LRRC3B: variants seen among roughly 807,000 people sequenced by gnomAD.
The protein encoded by LRRC3B is leucine rich repeat containing 3B.
Under a neutral mutation model 12.8 loss-of-function variants are expected in LRRC3B, and 2 were observed. The ratio of observed to expected loss-of-function variants is 0.16; its 90% CI spans 0.06 to 0.49. LRRC3B has a LOEUF of 0.49. Ranked by LOEUF, LRRC3B falls within the 20% of genes least tolerant of loss-of-function variation. LRRC3B has a pLI of 0.96. For synonymous variants in LRRC3B, 132 were observed against 122.0 expected, an observed-to-expected ratio of 1.08 and a Z score of -0.54; for missense variants, 189 against 319.4, an observed-to-expected ratio of 0.59 and a Z score of 3.11.
At chr3:26,624,273 A>T (rs1698571847) in intron 1 of LRRC3B, 1 of 152,202 alleles carries the variant, frequency 6.6e-6, no homozygotes, top group South Asian at 2.1e-4. Context: ...TGGACTAGGG[A>T]TGCTTCTCCA....
At chr3:26,663,190 G>A (rs1181205153) in intron 1 of LRRC3B, among the ~76,000 whole-genome samples, 1 of 152,088 alleles carries the variant, frequency 6.6e-6, no homozygotes, top group East Asian at 1.9e-4. Context: ...TAGCTTGATT[G>A]AGTTCTGTCT....
intron 1 of LRRC3B, among the ~76,000 whole-genome samples, chr3:26,631,556 T>A (rs2125400487): frequency 6.6e-6 from 1 of 152,308 alleles, no homozygotes; most frequent in Admixed American, 6.5e-5. Context: ...AACAGATGGC[T>A]CATGTTATCC....
At chr3:26,666,722 C>T (rs1699612651) in intron 1 of LRRC3B, among the ~76,000 whole-genome samples, 1 of 152,070 alleles carries the variant, frequency 6.6e-6, no homozygotes, top group South Asian at 2.1e-4. Flanking sequence ...AAACTCCAAA[C>T]AATATTTGGA....
At chr3:26,632,344 C>T (rs1211172565) in intron 1 of LRRC3B, among the ~76,000 whole-genome samples, 1 of 152,152 alleles carries the variant, frequency 6.6e-6, no homozygotes, top group African/African-American at 2.4e-5. Context: ...AAGAGGATTA[C>T]ATCCTTAGTA....
chr3:26,685,884 G>A (rs1700077817), intron 1 of LRRC3B, among the ~76,000 whole-genome samples: 1 of 151,936 alleles, frequency 6.6e-6, no homozygotes, highest in African/African-American at 2.4e-5. Flanking sequence ...GCTTAGTCCA[G>A]TCTCTCAGTT....
rs189463288 is a variant in LRRC3B at position 26,668,700 on chromosome 3, A to G, written c.-160-40813A>G. 4.9e-4 allele frequency among the ~76,000 whole-genome samples: 74 copies of G among 152,254 alleles called. No individual in the cohort carries two copies. The East Asian group carries it at 0.013, about 27-fold the overall frequency. ...GTTTATTTTTACTACAAAAGGGATAAATAATTATTGTTAAAAGTTTGGAAA... is the reference window on the plus strand; with the variant it reads ...GTTTATTTTTACTACAAAAGGGATAGATAATTATTGTTAAAAGTTTGGAAA... On this transcript the variant is annotated intron_variant, in intron 1 of 1. Coordinates refer to ENST00000396641, the Ensembl canonical transcript of LRRC3B.
chr3:26,690,946 T>C (rs1409808438), intron 1 of LRRC3B, among the ~76,000 whole-genome samples: 9 of 151,626 alleles, frequency 5.9e-5, no homozygotes, highest in Non-Finnish European at 1.2e-4. Context: ...TTCATTGTTC[T>C]ACAAATATTA....
intron 1 of LRRC3B, among the ~76,000 whole-genome samples, chr3:26,651,096 A>G (rs1380568139): frequency 6.6e-6 from 1 of 152,228 alleles, no homozygotes; most frequent in Non-Finnish European, 1.5e-5. Context: ...TTTTGTATAC[A>G]TGAAATATAT....
intron 1 of LRRC3B, among the ~76,000 whole-genome samples, chr3:26,649,190 A>G (rs571567504): frequency 6.6e-6 from 1 of 152,232 alleles, no homozygotes; most frequent in African/African-American, 2.4e-5. Context: ...CATCTGACTT[A>G]AGGCCAGGCT....
intron 1 of LRRC3B, among the ~76,000 whole-genome samples, chr3:26,640,353 G>A (rs1227549001): frequency 1.3e-5 from 2 of 150,000 alleles, no homozygotes; most frequent in South Asian, 2.1e-4. Context: ...ATGGCACTAG[G>A]AATCTACTTT....
intron 1 of LRRC3B, among the ~76,000 whole-genome samples, chr3:26,699,800 A>G (rs1281496822): frequency 6.6e-6 from 1 of 152,206 alleles, no homozygotes; most frequent in Non-Finnish European, 1.5e-5. Context: ...AAGCAGAAAG[A>G]AACCAAGATG....
intron 1 of LRRC3B, among the ~76,000 whole-genome samples, chr3:26,671,373 T>TATATATATAGAGAG (rs1261897533): frequency 1.1e-4 from 3 of 28,254 alleles, no homozygotes; most frequent in African/African-American, 2.9e-4. Flanking sequence ...TATATATATA[T>TATATATATAGAGAG]AGAGAGAGAG....
intron 1 of LRRC3B, among the ~76,000 whole-genome samples, chr3:26,654,455 T>TG (rs1434225408): frequency 3.9e-5 from 6 of 152,118 alleles, no homozygotes; most frequent in Non-Finnish European, 8.8e-5. Flanking sequence ...TTTTCCCAGG[T>TG]GGTTCTGATA....
At chr3:26,686,416 G>A (rs1446069377) in intron 1 of LRRC3B, among the ~76,000 whole-genome samples, 4 of 152,138 alleles carry the variant, frequency 2.6e-5, no homozygotes, top group Non-Finnish European at 1.5e-5. Flanking sequence ...TGCTCCTTAT[G>A]GTAACTTCAA....
chr3:26,632,460 CAGAA>C (rs1698777083), intron 1 of LRRC3B, among the ~76,000 whole-genome samples: 1 of 151,964 alleles, frequency 6.6e-6, no homozygotes, highest in South Asian at 2.1e-4. Flanking sequence ...TCTAGTTTAT[CAGAA>C]AGAAACCTAT....
At chr3:26,654,404 G>C (rs1699328238) in intron 1 of LRRC3B, among the ~76,000 whole-genome samples, 1 of 152,098 alleles carries the variant, frequency 6.6e-6, no homozygotes, top group African/African-American at 2.4e-5. Context: ...AATTAAACCA[G>C]AATTTCTAAG....
intron 1 of LRRC3B, among the ~76,000 whole-genome samples, chr3:26,663,337 AC>A (rs1203649847): frequency 2.0e-5 from 3 of 152,122 alleles, no homozygotes; most frequent in African/African-American, 7.2e-5. Flanking sequence ...CCCAATACAC[AC>A]ATGCATCTTT....
chr3:26,636,934 C>CTTTCTTT lies in LRRC3B; in HGVS notation c.-161+13698_-161+13704dup, dbSNP rs1468772677. Among the ~76,000 whole-genome samples the CTTTCTTT allele has an allele frequency of 7.7e-5, 8 of 103,724 alleles. 1 individual carries two copies. Among genetic ancestry groups the CTTTCTTT allele is most frequent in the African/African-American group, 3.7e-4 (8 of 21,532 alleles). The allele number at this position is 103,724 out of a possible 152,430, so 68.0% of individuals were successfully genotyped here. ...TCTTTCTCTCTTTCTTTCTTTCTTTCTTTCTTTCTTTCTTTCTTTCTTTCT... is the reference window on the plus strand; with the variant it reads ...TCTTTCTCTCTTTCTTTCTTTCTTTCTTTCTTTTTTCTTTCTTTCTTTCTTTCTTTCT... On this transcript the variant is annotated intron_variant, in intron 1 of 1. Transcript: ENST00000396641.
intron 1 of LRRC3B, among the ~76,000 whole-genome samples, chr3:26,679,832 G>A (rs1699933527): frequency 6.6e-6 from 1 of 152,142 alleles, no homozygotes; most frequent in South Asian, 2.1e-4. Context: ...AGGCTCATAA[G>A]AAACTATCTG....
Sources: gnomAD v4.1 joint callset for allele counts (sites outside exome capture counted in the v4.1 genomes callset) on GRCh38, gnomAD v4.1.1 for gene constraint, MANE v1.5 for transcripts, NCBI Gene and HGNC (gene_info 2026-07-23, HGNC 2026-07-21) for gene names.